Variants in NFIA observed in about 807,000 individuals in gnomAD.
NFIA encodes the protein nuclear factor I A.
A neutral mutation model predicts 62.8 loss-of-function variants in NFIA; 8 were observed. That is an observed-to-expected ratio of 0.13 (90% CI 0.07 to 0.23). NFIA has a LOEUF of 0.23. Among genes scored for constraint, NFIA ranks in the 10% least tolerant of loss-of-function variants. The pLI is 1.00. For synonymous variants in NFIA, 235 were observed against 238.1 expected (o/e 0.99, Z 0.12); for missense variants, 410 against 642.1 (o/e 0.64, Z 3.91).
At position 61,337,700 on chromosome 1, in the gene NFIA, C is replaced by G. The variant is rs148804039; in HGVS notation, c.700+5114C>G. On this transcript the variant is annotated intron_variant, in intron 4 of 10. Coordinates refer to ENST00000403491, the MANE Select transcript of NFIA (RefSeq NM_001134673.4). Reference sequence around the variant, plus strand: ...GCTGCATTTTCAAACAAAGCCTTCTCAAGGCATTTTTAGATTGGTCTCTTT... The same window carrying G: ...GCTGCATTTTCAAACAAAGCCTTCTGAAGGCATTTTTAGATTGGTCTCTTT... Among the ~76,000 whole-genome samples the G allele has an allele frequency of 3.3e-5, 5 of 152,314 alleles. No individual in the cohort carries two copies. The East Asian group carries it at 9.6e-4, about 29-fold the overall frequency.
intron 10 of NFIA, among the ~76,000 whole-genome samples, chr1:61,445,866 T>C (rs1428672354): frequency 6.6e-6 from 1 of 152,202 alleles, no homozygotes; most frequent in Non-Finnish European, 1.5e-5. Context: ...AGGCCTGTTT[T>C]GCAGAAAAGT....
intron 2 of NFIA, among the ~76,000 whole-genome samples, chr1:61,269,836 A>G (rs1057199461): frequency 6.6e-6 from 1 of 152,102 alleles, no homozygotes; most frequent in Non-Finnish European, 1.5e-5. Context: ...ACAAGGAATT[A>G]TTTTTTCTCT....
intron 3 of NFIA, among the ~76,000 whole-genome samples, chr1:61,332,085 GAATA>G (rs1275555511): frequency 6.6e-6 from 1 of 152,192 alleles, no homozygotes; most frequent in Non-Finnish European, 1.5e-5. Context: ...TGAGTTAAAT[GAATA>G]GATAACTAAT....
intron 10 of NFIA, among the ~76,000 whole-genome samples, chr1:61,430,760 T>C (rs770518787): frequency 6.6e-6 from 1 of 152,202 alleles, no homozygotes; most frequent in Non-Finnish European, 1.5e-5. Context: ...TTGCATTGTA[T>C]ATCTGGCCCT....
At position 61,357,500 on chromosome 1, in the gene NFIA, T is replaced by A. The variant is rs531483332; in HGVS notation, c.819-1647T>A. ...TGGTACATCAGCTGTAGAGCAGCCC[T>A]GCCTCTGCCCTTTCCTTCATTCTTC... On this transcript the variant is annotated intron_variant, in intron 5 of 10. Transcript: ENST00000403491. Among the ~76,000 whole-genome samples the A allele has an allele frequency of 6.6e-5, 10 of 152,258 alleles. No individual in the cohort carries two copies. The South Asian group carries it at 2.1e-3, about 32-fold the overall frequency.
chr1:61,424,272 GATATA>G (rs1314369899), intron 9 of NFIA, among the ~76,000 whole-genome samples: 3 of 152,054 alleles, frequency 2.0e-5, no homozygotes, highest in African/African-American at 7.2e-5. Context: ...TAGGTGATGG[GATATA>G]ATATAAATAC....
At chr1:61,285,423 G>A (rs907345689) in intron 3 of NFIA, among the ~76,000 whole-genome samples, 1 of 152,174 alleles carries the variant, frequency 6.6e-6, no homozygotes, top group Non-Finnish European at 1.5e-5. Context: ...TTACCTATTT[G>A]TGGATAATAT....
rs1231549263 is a variant in NFIA at position 61,190,285 on chromosome 1, CTAAT to C, written c.560-87229_560-87226del. 9.2e-5 allele frequency among the ~76,000 whole-genome samples: 14 copies of C among 152,172 alleles called. No homozygotes were observed. In the East Asian group the frequency reaches 2.5e-3, roughly 27 times the overall value. ...GATTCCATCTCCATGATGCTTTGCA[CTAAT>C]TAATTCTTTCCGCAGCAGCACCATG... On this transcript the variant is annotated intron_variant, in intron 2 of 10. Transcript: ENST00000403491.
Position 61,090,358 on chromosome 1 carries a change from A to G in NFIA, c.559+1678A>G, listed in dbSNP as rs1217772260. ...CCAACATCGAAACTTGAAAGTGCCA[A>G]CAGGTGATGCAGATCATGATGTGTG... On this transcript the variant is annotated intron_variant, in intron 2 of 10. Transcript: ENST00000403491. Among the ~76,000 whole-genome samples, 3 of 152,228 alleles carry G rather than the reference A, an allele frequency of 2.0e-5. No homozygotes were observed. The East Asian group carries it at 5.8e-4, about 29-fold the overall frequency.
At chr1:61,162,685 G>C (rs530180704) in intron 2 of NFIA, among the ~76,000 whole-genome samples, 17 of 152,178 alleles carry the variant, frequency 1.1e-4, no homozygotes, top group Non-Finnish European at 1.2e-4. Flanking sequence ...CAGACCCCAT[G>C]GAGGGTGGAA....
At position 61,281,280 on chromosome 1, in the gene NFIA, C is replaced by T. The variant is rs539153337; in HGVS notation, c.625+3695C>T. Among the ~76,000 whole-genome samples, 12 of 151,732 alleles carry T rather than the reference C, an allele frequency of 7.9e-5. No homozygotes were observed. In the South Asian group the frequency reaches 1.9e-3, roughly 24 times the overall value. ...GAAAAGAAATAAAATACTAAAAGGA[C>T]GTATCTCATGAGTGGTAAACTGAGA... is the stretch of plus-strand genomic sequence containing the variant. On this transcript the variant is annotated intron_variant, in intron 3 of 10. Coordinates refer to ENST00000403491, the MANE Select transcript of NFIA (RefSeq NM_001134673.4).
intron 10 of NFIA, among the ~76,000 whole-genome samples, chr1:61,445,687 A>G (rs1667777982): frequency 6.6e-6 from 1 of 152,256 alleles, no homozygotes; most frequent in African/African-American, 2.4e-5. Context: ...TTTGGTATTT[A>G]TCCAGAGTTG....
Position 61,203,264 on chromosome 1 carries a change from C to T in NFIA, c.560-74256C>T, listed in dbSNP as rs554420057. 2.0e-4 allele frequency among the ~76,000 whole-genome samples: 30 copies of T among 152,158 alleles called. No individual in the cohort carries two copies. In the East Asian group the frequency reaches 3.7e-3, roughly 19 times the overall value. ...CAGTGGGATAGACATTGCAGGCAGG[C>T]GAAACTGGGATAAGCCCCAGAATCT... On this transcript the variant is annotated intron_variant, in intron 2 of 10. Transcript: ENST00000403491.
rs1429860468 is a variant in NFIA at position 61,459,056 on chromosome 1, A to G, written c.*3736A>G. 1 of 152,244 alleles carries G rather than the reference A, an allele frequency of 6.6e-6. No individual in the cohort carries two copies. Among genetic ancestry groups the G allele is most frequent in the African/African-American group, 2.4e-5 (1 of 41,462 alleles). 9.4% of individuals were successfully genotyped at this position (152,244 alleles called of 1,614,324 possible). A position where few individuals can be genotyped will look rare whatever the true frequency, so the allele number is the denominator to read the frequency against. On this transcript the variant is annotated 3_prime_UTR_variant, in exon 11 of 11. Transcript: ENST00000403491. ...CAAGCAGGAAAAAAGAAACACCAAC[A>G]GTTGCCAGTGTTTTTGCTTTTTAGC...
At chr1:61,295,192 A>G (rs985955053) in intron 3 of NFIA, among the ~76,000 whole-genome samples, 1 of 152,186 alleles carries the variant, frequency 6.6e-6, no homozygotes, top group Non-Finnish European at 1.5e-5. Context: ...AGAAAATTGT[A>G]TACGAGGCAG....
chr1:61,101,325 G>A (rs1646504713), intron 2 of NFIA, among the ~76,000 whole-genome samples: 1 of 151,152 alleles, frequency 6.6e-6, no homozygotes, highest in Non-Finnish European at 1.5e-5. Flanking sequence ...AACCCGGGAG[G>A]CAAAGGTTGT....
chr1:61,280,003 T>A (rs1658036308), intron 3 of NFIA, among the ~76,000 whole-genome samples: 1 of 152,186 alleles, frequency 6.6e-6, no homozygotes, highest in Non-Finnish European at 1.5e-5. Flanking sequence ...AGTAATAAAT[T>A]CCTATCTTTC....
chr1:61,330,114 A>G (rs1366604489), intron 3 of NFIA, among the ~76,000 whole-genome samples: 3 of 152,188 alleles, frequency 2.0e-5, no homozygotes, highest in Non-Finnish European at 4.4e-5. Context: ...TTTTGGGTGC[A>G]GTAGAAAATG....
At chr1:61,296,642 G>A (rs554046098) in intron 3 of NFIA, among the ~76,000 whole-genome samples, 36 of 152,204 alleles carry the variant, frequency 2.4e-4, no homozygotes, top group African/African-American at 8.4e-4. Flanking sequence ...TTTAGAAAAA[G>A]TTTTGAGTAC....
Sources: gnomAD v4.1 joint callset for allele counts (sites outside exome capture counted in the v4.1 genomes callset) on GRCh38, gnomAD v4.1.1 for gene constraint, MANE v1.5 for transcripts, NCBI Gene and HGNC (gene_info 2026-07-23, HGNC 2026-07-21) for gene names.